Variants in ZNF827 observed in about 807,000 individuals in gnomAD.
ZNF827 encodes zinc finger protein 827.
A neutral mutation model predicts 102.4 loss-of-function variants in ZNF827; 13 were observed. That is an observed-to-expected ratio of 0.13 (90% CI 0.08 to 0.20). The LOEUF (loss-of-function observed/expected upper bound fraction) is 0.20, where lower values mean the gene tolerates loss of function less well. Among genes scored for constraint, ZNF827 ranks in the 10% least tolerant of loss-of-function variants. The pLI is 1.00. For synonymous variants in ZNF827, 523 were observed against 536.2 expected (o/e 0.98, Z 0.34); for missense variants, 1,103 against 1,344.4 (o/e 0.82, Z 2.81).
intron 7 of ZNF827, among the ~76,000 whole-genome samples, chr4:145,834,651 G>A (rs1744624324): frequency 6.6e-6 from 1 of 152,090 alleles, no homozygotes; most frequent in African/African-American, 2.4e-5. Flanking sequence ...ATAGCGTTTA[G>A]GCTCTTTTTC....
chr4:145,823,326 C>T, intron 8 of ZNF827, 96 bp downstream of exon 8: 1 of 1,008,928 alleles, frequency 9.9e-7, no homozygotes, highest in Non-Finnish European at 1.5e-6. Context: ...TGAATAACTA[C>T]ATCCGTAAGC....
At chr4:145,829,387 G>A (rs1020931942) in intron 7 of ZNF827, among the ~76,000 whole-genome samples, 4 of 151,958 alleles carry the variant, frequency 2.6e-5, no homozygotes, top group African/African-American at 9.7e-5. Context: ...TACCTTAGTA[G>A]ATTTTTTTAA....
chr4:145,807,800 C>CAAAAAAAAAAACAAAAAACAAAAACA (rs199536341), intron 8 of ZNF827, among the ~76,000 whole-genome samples: 1 of 136,534 alleles, frequency 7.3e-6, no homozygotes, highest in East Asian at 2.0e-4. Flanking sequence ...AAAACAAAAA[C>CAAAAAAAAAAACAAAAAACAAAAACA]AAAAAAAAAA....
In ZNF827 at chr4:145,794,628, T is replaced by C. The variant is rs76348348; in HGVS notation, c.2384-15117A>G. On this transcript the variant is annotated intron_variant, in intron 8 of 14. Transcript: ENST00000508784. ...GGGGATGGGATAGGATGGGATGGGATGGGAATTGCTTGAGCCCAGGAGGTT... is the reference window on the plus strand; with the variant it reads ...GGGGATGGGATAGGATGGGATGGGACGGGAATTGCTTGAGCCCAGGAGGTT... Among the ~76,000 whole-genome samples, 226 of 151,762 alleles carry C rather than the reference T, an allele frequency of 1.5e-3. 2 individuals are homozygous for C. The highest frequency in any genetic ancestry group is 2.4e-3 in the Non-Finnish European group (160 of 67,906).
At chr4:145,839,993 G>C (rs889588407) in intron 7 of ZNF827, among the ~76,000 whole-genome samples, 3 of 152,180 alleles carry the variant, frequency 2.0e-5, no homozygotes, top group African/African-American at 7.2e-5. Flanking sequence ...TAGATGTCAC[G>C]AAGGGAGGAA....
At chr4:145,933,140 A>C (rs1753934855) in intron 1 of ZNF827, among the ~76,000 whole-genome samples, 1 of 152,226 alleles carries the variant, frequency 6.6e-6, no homozygotes, top group Non-Finnish European at 1.5e-5. Flanking sequence ...GAAGCATGAG[A>C]AGGAATGTGA....
rs1053734032 is a variant in ZNF827 at position 145,759,063 on chromosome 4, C to G, written c.*2553G>C. ...TGAAACAGATTTTAAAAAACCCCAA[C>G]TCTTAGGATAACACATGATGGAAAA... On this transcript the variant is annotated 3_prime_UTR_variant, in exon 15 of 15. Transcript: ENST00000508784. The G allele has an allele frequency of 3.3e-5, 5 of 152,176 alleles. No homozygotes were observed. Among genetic ancestry groups the G allele is most frequent in the African/African-American group, 1.2e-4 (5 of 41,440 alleles). 9.4% of individuals were successfully genotyped at this position (152,176 alleles called of 1,614,324 possible).
chr4:145,774,721 T>G, intron 10 of ZNF827, 49 bp from the exon 11 acceptor site: 2 of 1,579,820 alleles, frequency 1.3e-6, no homozygotes, highest in Non-Finnish European at 1.7e-6. Flanking sequence ...GGGTGACACA[T>G]ACTTCTAAAT....
At chr4:145,847,565 C>T (rs1746112409) in intron 6 of ZNF827, among the ~76,000 whole-genome samples, 1 of 152,140 alleles carries the variant, frequency 6.6e-6, no homozygotes, top group Non-Finnish European at 1.5e-5. Context: ...GTAGACCCTC[C>T]CTTACTGTGG....
chr4:145,854,477 C>T (rs1009690019), intron 5 of ZNF827, among the ~76,000 whole-genome samples: 3 of 152,054 alleles, frequency 2.0e-5, no homozygotes, highest in African/African-American at 7.2e-5. Context: ...GGCATGGAAG[C>T]CAGGAGAGAA....
chr4:145,760,985 C>A lies in ZNF827; in HGVS notation c.*631G>T. The A allele has an allele frequency of 8.0e-7, 1 of 1,253,122 alleles. No homozygotes were observed. The highest frequency in any genetic ancestry group is 1.0e-6 in the Non-Finnish European group (1 of 971,032). The allele number at this position is 1,253,122 out of a possible 1,614,324, so 77.6% of individuals were successfully genotyped here. A position where few individuals can be genotyped will look rare whatever the true frequency, so the allele number is the denominator to read the frequency against. On this transcript the variant is annotated 3_prime_UTR_variant, in exon 15 of 15. Transcript: ENST00000508784. ...AAGCGCAAAGGGGAGCCGTTGAAGG[C>A]CAAAGCCTTGAGTGCCAGGTTGGGC... is the stretch of plus-strand genomic sequence containing the variant.
intron 1 of ZNF827, among the ~76,000 whole-genome samples, chr4:145,937,199 C>T (rs922471667): frequency 2.0e-5 from 3 of 151,462 alleles, no homozygotes; most frequent in African/African-American, 4.9e-5. Context: ...AAAGAAAAGC[C>T]GGAGGGAGGG....
At chr4:145,857,482 G>C (rs1010726449) in intron 5 of ZNF827, among the ~76,000 whole-genome samples, 2 of 152,144 alleles carry the variant, frequency 1.3e-5, no homozygotes, top group South Asian at 2.1e-4. Flanking sequence ...ACAGGTCCTC[G>C]ACTGAGCTAA....
intron 4 of ZNF827, chr4:145,870,682 G>C: frequency 2.0e-6 from 1 of 506,532 alleles, no homozygotes; most frequent in Non-Finnish European, 3.5e-6. Context: ...GTGGGCTTCT[G>C]AATCTTTTGA....
chr4:145,892,306 A>G lies in ZNF827; in HGVS notation c.1203T>C (p.Ser401=), dbSNP rs559719394. 1.2e-6 allele frequency: 2 copies of G among 1,614,142 alleles called. No homozygotes were observed. Among genetic ancestry groups the G allele is most frequent in the Non-Finnish European group, 1.7e-6 (2 of 1,180,000 alleles). Residue 401 remains serine, a synonymous_variant, in exon 3 of 15, where the codon AGT becomes AGC. Coordinates refer to ENST00000508784, the MANE Select transcript of ZNF827 (RefSeq NM_001306215.2). ...RHMVIHTGLK[S]HQCPLCPFRC... The stretch of plus-strand genomic sequence containing the variant: ...GGAATGGACAGAGCGGACACTGATG[A>G]CTTTTTAAACCTGTGTGAATCACCA...
At chr4:145,923,217 T>TA in intron 1 of ZNF827, among the ~76,000 whole-genome samples, 1 of 152,334 alleles carries the variant, frequency 6.6e-6, no homozygotes, top group Non-Finnish European at 1.5e-5. Flanking sequence ...AGTCTTGGTG[T>TA]AATATCAATG....
At chr4:145,931,567 A>G (rs1168400580) in intron 1 of ZNF827, among the ~76,000 whole-genome samples, 3 of 152,168 alleles carry the variant, frequency 2.0e-5, no homozygotes, top group Non-Finnish European at 2.9e-5. Flanking sequence ...CTAAAGCCCT[A>G]TTCTGTAGGT....
rs370708729 is a variant in ZNF827 at position 145,901,788 on chromosome 4, GT to G, written c.1093+377del. 6.6e-5 allele frequency among the ~76,000 whole-genome samples: 10 copies of G among 152,208 alleles called. No homozygotes were observed. In the East Asian group the frequency reaches 1.7e-3, roughly 26 times the overall value. ...TTGTCCACTATTTCAAAAGCAGTGGGTTTTTTTCCCCTTATGTTCAGTGATG... is the reference window on the plus strand; with the variant it reads ...TTGTCCACTATTTCAAAAGCAGTGGGTTTTTTCCCCTTATGTTCAGTGATG... On this transcript the variant is annotated intron_variant, in intron 2 of 14. Transcript: ENST00000508784.
chr4:145,847,598 T>A (rs929381386), intron 6 of ZNF827, among the ~76,000 whole-genome samples: 1 of 152,186 alleles, frequency 6.6e-6, no homozygotes, highest in African/African-American at 2.4e-5. Flanking sequence ...ATCTATCAGC[T>A]GTCAGAAATT....
Sources: allele counts gnomAD v4.1 joint callset (sites outside exome capture counted in the v4.1 genomes callset), GRCh38; gene constraint gnomAD v4.1.1; transcripts MANE v1.5; gene names NCBI Gene and HGNC (gene_info 2026-07-23, HGNC 2026-07-21).